Variants in DNAL1 observed in about 807,000 individuals in gnomAD.
The protein encoded by DNAL1 is dynein axonemal light chain 1.
In DNAL1, 17 loss-of-function variants were observed where a neutral mutation model predicts 29.4. That is an observed-to-expected ratio of 0.58 (90% CI 0.40 to 0.87). The LOEUF (loss-of-function observed/expected upper bound fraction) is 0.87, where lower values mean the gene tolerates loss of function less well. Among genes scored for constraint, DNAL1 ranks in the 40% least tolerant of loss-of-function variants. The pLI, the probability that DNAL1 is intolerant of heterozygous loss-of-function variation, is 0.00. For missense variants in DNAL1, 188 were observed against 214.1 expected (o/e 0.88, Z 0.76); for synonymous variants, 78 against 76.3 (o/e 1.02, Z -0.12).
rs941252839 is a variant in DNAL1, at chr14:73,702,441, G to C, written c.*6499G>C. The C allele has an allele frequency of 4.6e-5, 7 of 152,074 alleles. No homozygotes were observed. The highest frequency in any genetic ancestry group is 1.7e-4 in the African/African-American group (7 of 41,400). 9.4% of individuals were successfully genotyped at this position (152,074 alleles called of 1,614,324 possible). On this transcript the variant is annotated 3_prime_UTR_variant, in exon 8 of 8. Transcript: ENST00000553645. ...GCACGAGCCACCGCGCACGGCCAGA[G>C]GCATTCATTTCTTTAGCTAAGTTTT...
intron 4 of DNAL1, among the ~76,000 whole-genome samples, chr14:73,666,404 C>T (rs1009900390): frequency 9.2e-5 from 14 of 152,024 alleles, no homozygotes; most frequent in African/African-American, 3.4e-4. Context: ...TGCCATTTAT[C>T]TTTGGTGAAA....
intron 1 of DNAL1, 123 bp from the exon 2 acceptor site, chr14:73,654,724 A>T (rs1891172018): frequency 3.6e-6 from 3 of 843,840 alleles, no homozygotes; most frequent in Non-Finnish European, 1.7e-6. Flanking sequence ...ATGCCATTGC[A>T]CTCCAGCCTG....
intron 1 of DNAL1, among the ~76,000 whole-genome samples, chr14:73,653,889 A>G (rs990727184): frequency 3.3e-5 from 5 of 152,216 alleles, no homozygotes; most frequent in Non-Finnish European, 7.3e-5. Context: ...TAATTATAAG[A>G]TGCAACATTA....
intron 4 of DNAL1, among the ~76,000 whole-genome samples, chr14:73,668,683 T>TC (rs1483487223): frequency 6.6e-6 from 1 of 151,562 alleles, no homozygotes; most frequent in Non-Finnish European, 1.5e-5. Context: ...TCCCTCTGTC[T>TC]CTTTTTTTTT....
At chr14:73,647,516 C>T (rs1479675379) in intron 1 of DNAL1, among the ~76,000 whole-genome samples, 1 of 152,028 alleles carries the variant, frequency 6.6e-6, no homozygotes, top group African/African-American at 2.4e-5. Flanking sequence ...AGGTGTTACT[C>T]AATGGAGTTT....
chr14:73,678,611 G>A (rs1237903117), intron 5 of DNAL1, among the ~76,000 whole-genome samples: 1 of 151,466 alleles, frequency 6.6e-6, no homozygotes, highest in African/African-American at 2.4e-5. Flanking sequence ...GCTGAGACAG[G>A]CAGTTTGTCA....
intron 1 of DNAL1, among the ~76,000 whole-genome samples, chr14:73,652,167 T>G (rs1270241936): frequency 1.3e-5 from 2 of 151,930 alleles, no homozygotes; most frequent in African/African-American, 2.4e-5. Context: ...CCTGCCCAGT[T>G]CCCCAGCCCC....
intron 7 of DNAL1, among the ~76,000 whole-genome samples, chr14:73,692,805 T>G (rs1892206163): frequency 6.6e-6 from 1 of 151,916 alleles, no homozygotes; most frequent in South Asian, 2.1e-4. Flanking sequence ...CCATTTTTGT[T>G]TCTCTTCTGT....
At chr14:73,681,102 T>C (rs1013285913) in intron 5 of DNAL1, among the ~76,000 whole-genome samples, 1 of 151,868 alleles carries the variant, frequency 6.6e-6, no homozygotes, top group Non-Finnish European at 1.5e-5. Flanking sequence ...TTTGTTGTTG[T>C]TGTTATTTGT....
At position 73,697,601 on chromosome 14, in the gene DNAL1, G is replaced by C. The variant is rs1244122306; in HGVS notation, c.*1659G>C. 2 of 152,072 alleles carry C rather than the reference G, an allele frequency of 1.3e-5. No individual in the cohort carries two copies. The highest frequency in any genetic ancestry group is 2.9e-5 in the Non-Finnish European group (2 of 68,064). 9.4% of individuals were successfully genotyped at this position (152,072 alleles called of 1,614,324 possible). A position where few individuals can be genotyped will look rare whatever the true frequency, so the allele number is the denominator to read the frequency against. Reference sequence around the variant, plus strand: ...CTACTAAAAATACAAAAATTAGCCAGTCCTGGTGGTGGGCGCCTGTAGTCC... The same window carrying C: ...CTACTAAAAATACAAAAATTAGCCACTCCTGGTGGTGGGCGCCTGTAGTCC... On this transcript the variant is annotated 3_prime_UTR_variant, in exon 8 of 8. Coordinates refer to ENST00000553645, the MANE Select transcript of DNAL1 (RefSeq NM_031427.4).
chr14:73,653,004 G>A (rs2140025704), intron 1 of DNAL1, among the ~76,000 whole-genome samples: 1 of 152,288 alleles, frequency 6.6e-6, no homozygotes, highest in East Asian at 1.9e-4. Context: ...TCAATGAACA[G>A]TTTGCATATG....
rs543253421 is a variant in DNAL1, at chr14:73,677,264, C to G, written c.264+5667C>G. 2.0e-5 allele frequency among the ~76,000 whole-genome samples: 3 copies of G among 152,142 alleles called. No homozygotes were observed. The East Asian group carries it at 5.8e-4, about 29-fold the overall frequency. On this transcript the variant is annotated intron_variant, in intron 5 of 7. Transcript: ENST00000553645. ...GGATTACAGGCATGAGCCACCGCGC[C>G]CAGCCAGTAGTATTCATATTTTTAA...
Position 73,645,053 on chromosome 14 carries a change from T to A in DNAL1, c.3+11T>A. ...GCAACCGCCGGAATGGTGAGTACCT[T>A]TCGGGCCGCGTAGCCAAAGCTGAGA... On this transcript the variant is annotated intron_variant, in intron 1 of 7. Coordinates refer to ENST00000553645, the MANE Select transcript of DNAL1 (RefSeq NM_031427.4). The A allele has an allele frequency of 6.2e-7, 1 of 1,608,544 alleles. No individual in the cohort carries two copies. Among genetic ancestry groups the A allele is most frequent in the Non-Finnish European group, 8.5e-7 (1 of 1,177,898 alleles).
intron 7 of DNAL1, among the ~76,000 whole-genome samples, chr14:73,690,240 A>G (rs1204054390): frequency 6.6e-6 from 1 of 152,042 alleles, no homozygotes; most frequent in Non-Finnish European, 1.5e-5. Context: ...TTTTCCTGAT[A>G]TAAATTTCCT....
intron 7 of DNAL1, among the ~76,000 whole-genome samples, chr14:73,692,315 CTACTAAAAA>C (rs775643941): frequency 3.9e-5 from 6 of 152,050 alleles, no homozygotes; most frequent in Non-Finnish European, 8.8e-5. Context: ...AACCCTGTCT[CTACTAAAAA>C]TACAAAAATT....
chr14:73,683,479 A>T (rs1313385242), intron 5 of DNAL1, among the ~76,000 whole-genome samples: 1 of 152,118 alleles, frequency 6.6e-6, no homozygotes, highest in Non-Finnish European at 1.5e-5. Context: ...ATCATTGATG[A>T]AATGTTATGC....
At chr14:73,691,521 C>G (rs144157116) in intron 7 of DNAL1, among the ~76,000 whole-genome samples, 1 of 151,908 alleles carries the variant, frequency 6.6e-6, no homozygotes, top group South Asian at 2.1e-4. Context: ...TGCACTCCAG[C>G]CTGGGCAACA....
chr14:73,684,789 CAG>C (rs529127277), intron 5 of DNAL1, among the ~76,000 whole-genome samples: 10 of 152,090 alleles, frequency 6.6e-5, no homozygotes, highest in African/African-American at 1.7e-4. Flanking sequence ...TCTAACTACT[CAG>C]GGGGCTGAGG....
intron 1 of DNAL1, among the ~76,000 whole-genome samples, chr14:73,646,591 G>A (rs564036025): frequency 1.9e-4 from 29 of 152,022 alleles, no homozygotes; most frequent in Non-Finnish European, 3.7e-4. Context: ...GTGAAACTCC[G>A]CCTCTACTAA....
Sources: allele counts gnomAD v4.1 joint callset (sites outside exome capture counted in the v4.1 genomes callset), GRCh38; gene constraint gnomAD v4.1.1; transcripts MANE v1.5; gene names NCBI Gene and HGNC (gene_info 2026-07-23, HGNC 2026-07-21).